TM9SF3: variants seen among roughly 807,000 people sequenced by gnomAD.
TM9SF3 encodes the protein transmembrane 9 superfamily member 3.
TM9SF3 carries 14 observed loss-of-function variants against 78.6 expected under a neutral mutation model. The observed-to-expected ratio is 0.18, with a 90% CI of 0.12 to 0.28. The LOEUF (loss-of-function observed/expected upper bound fraction) is 0.28, where lower values mean the gene tolerates loss of function less well. TM9SF3 is among the 10% of genes least tolerant of loss of function. The pLI, the probability that TM9SF3 is intolerant of heterozygous loss-of-function variation, is 1.00. For missense variants in TM9SF3, 496 were observed against 721.9 expected (o/e 0.69, Z 3.59); for synonymous variants, 231 against 241.7 (o/e 0.96, Z 0.41).
At position 96,528,095 on chromosome 10, in the gene TM9SF3, T is replaced by C. The variant is rs1456319534; in HGVS notation, c.1477A>G (p.Ile493Val). 1 of 1,613,036 alleles carries C rather than the reference T, an allele frequency of 6.2e-7. No homozygotes were observed. The highest frequency in any genetic ancestry group is 2.2e-5 in the East Asian group (1 of 44,844). The change falls in exon 12 of 15, where the codon ATT becomes GTT. Residue 493 changes from isoleucine to valine, a missense_variant. This residue lies in a region of TM9SF3 where 280 missense variants were observed against 422.6 expected (regional missense o/e 0.66). Transcript: ENST00000371142. ...FMMLVLVILC[I>V]VTVCVTIVCT... The stretch of plus-strand genomic sequence containing the variant: ...ACAATAGTCACACAGACAGTCACAA[T>C]GCACAGGATAACCAGCACCAGCATC...
Position 96,586,531 on chromosome 10 carries a change from G to C in TM9SF3, c.102+203C>G, listed in dbSNP as rs568168159. On this transcript the variant is annotated intron_variant, in intron 1 of 14. Coordinates refer to ENST00000371142, the MANE Select transcript of TM9SF3 (RefSeq NM_020123.4). ...GGGGGAAGGAGACCCTGTCACTCGG[G>C]AGCGGAGCCCTGTCCCGGGAGCGCA... Among the ~76,000 whole-genome samples, 8 of 152,064 alleles carry C rather than the reference G, an allele frequency of 5.3e-5. No homozygotes were observed. The East Asian group carries it at 9.7e-4, about 18-fold the overall frequency.
At chr10:96,566,955 A>AC (rs1271963342) in intron 2 of TM9SF3, among the ~76,000 whole-genome samples, 1 of 152,192 alleles carries the variant, frequency 6.6e-6, no homozygotes, top group Non-Finnish European at 1.5e-5. Context: ...CCTCACAGCT[A>AC]CCTCTGCAAA....
chr10:96,539,905 C>T (rs545056381), intron 9 of TM9SF3, among the ~76,000 whole-genome samples: 1 of 152,278 alleles, frequency 6.6e-6, no homozygotes, highest in African/African-American at 2.4e-5. Context: ...GTTTTCTGTT[C>T]TGTAAAATAG....
At chr10:96,526,140 G>T (rs1564927028) in intron 14 of TM9SF3, among the ~76,000 whole-genome samples, 1 of 152,114 alleles carries the variant, frequency 6.6e-6, no homozygotes, top group Non-Finnish European at 1.5e-5. Flanking sequence ...AATGAGTAAA[G>T]TTGAGGAAGA....
intron 2 of TM9SF3, among the ~76,000 whole-genome samples, chr10:96,576,143 C>T (rs1848494310): frequency 6.6e-6 from 1 of 152,210 alleles, no homozygotes; most frequent in Admixed American, 6.5e-5. Context: ...CATCCCATTA[C>T]AGCCTCAGAC....
chr10:96,586,727 G>C lies in TM9SF3; in HGVS notation c.102+7C>G. On this transcript the variant is annotated splice_region_variant and intron_variant, in intron 1 of 14. Transcript: ENST00000371142. ...CCGGGGCGGCCGCGCCGGCCGGGGC[G>C]CCTCACCGTGTGTTCGTGCTCGTCC... 3.3e-6 allele frequency: 4 copies of C among 1,227,586 alleles called. No homozygotes were observed. The highest frequency in any genetic ancestry group is 4.1e-6 in the Non-Finnish European group (4 of 985,294). The allele number at this position is 1,227,586 out of a possible 1,614,324, so 76.0% of individuals were successfully genotyped here.
chr10:96,538,659 A>G (rs1847986858), intron 9 of TM9SF3, among the ~76,000 whole-genome samples: 1 of 152,234 alleles, frequency 6.6e-6, no homozygotes, highest in Non-Finnish European at 1.5e-5. Context: ...TGTATTTACA[A>G]TATATAAGAA....
intron 5 of TM9SF3, 86 bp downstream of exon 5, chr10:96,559,573 C>A: frequency 1.1e-6 from 1 of 941,972 alleles, no homozygotes. Context: ...GTCCTCAACA[C>A]AGTGCCCTGC....
rs751623216 is a variant in TM9SF3 at position 96,533,127 on chromosome 10, C to T, written c.1249G>A (p.Gly417Ser). Residue 417 changes from glycine to serine, a missense_variant, in exon 10 of 15, where the codon GGC becomes AGC. Gly to Ser is a moderately conservative substitution (Grantham distance 56). Around this residue, in one of 4 missense-constraint regions of TM9SF3, gnomAD observed 280 missense variants for 422.6 expected, o/e 0.66. Coordinates refer to ENST00000371142, the MANE Select transcript of TM9SF3 (RefSeq NM_020123.4). ...TTGGGCTGACCTGACAGATTTCGGC[C>T]AAGTATTGTACCAACAAGATTTAGA... ...LPLNLVGTILGRNLSGQPNFP... is the reference protein window; with the variant it reads ...LPLNLVGTILSRNLSGQPNFP... 1 of 1,613,874 alleles carries T rather than the reference C, an allele frequency of 6.2e-7. No individual in the cohort carries two copies. The highest frequency in any genetic ancestry group is 8.5e-7 in the Non-Finnish European group (1 of 1,179,974).
In TM9SF3 at chr10:96,530,593, C is replaced by A; in HGVS notation, c.1341G>T (p.Ala447=). ...IPEKKWFMEP[A]VIVCLGGILP... is the part of the protein sequence containing the mutation. ...AAATTCCACCCAGGCAAACAATAAC[C>A]GCAGGCTCCATGAACCTGGAAAATA... The change falls in exon 11 of 15, where the codon GCG becomes GCT. Residue 447 remains alanine, a synonymous_variant. Coordinates refer to ENST00000371142, the MANE Select transcript of TM9SF3 (RefSeq NM_020123.4). The A allele has an allele frequency of 1.9e-6, 3 of 1,612,028 alleles. No individual in the cohort carries two copies. Among genetic ancestry groups the A allele is most frequent in the South Asian group, 2.2e-5 (2 of 90,720 alleles).
intron 2 of TM9SF3, among the ~76,000 whole-genome samples, chr10:96,572,266 G>A (rs751282277): frequency 6.6e-6 from 1 of 151,732 alleles, no homozygotes; most frequent in African/African-American, 2.4e-5. Flanking sequence ...CTGACACTTC[G>A]ATCAAATAAA....
At chr10:96,546,302 AT>A (rs1384916627) in intron 8 of TM9SF3, among the ~76,000 whole-genome samples, 12 of 152,172 alleles carry the variant, frequency 7.9e-5, no homozygotes, top group Admixed American at 7.9e-4. Flanking sequence ...TTTACATTAC[AT>A]TTTGTAAGAC....
At chr10:96,531,782 T>G (rs993653464) in intron 10 of TM9SF3, among the ~76,000 whole-genome samples, 3 of 152,108 alleles carry the variant, frequency 2.0e-5, no homozygotes, top group African/African-American at 7.2e-5. Context: ...TCACCAGACC[T>G]CTCCTTCACT....
rs1171710518 is a variant in TM9SF3 at position 96,547,892 on chromosome 10, T to C, written c.1054+3A>G. 1.9e-6 allele frequency: 3 copies of C among 1,601,756 alleles called. No homozygotes were observed. The highest frequency in any genetic ancestry group is 2.6e-6 in the Non-Finnish European group (3 of 1,174,652). ...CAACATGAAGTGAGAATTCGTAAGT[T>C]ACCTCCTTGTCTAGCATACAGACTT... On this transcript the variant is annotated splice_donor_region_variant and intron_variant, in intron 8 of 14. Coordinates refer to ENST00000371142, the MANE Select transcript of TM9SF3 (RefSeq NM_020123.4).
At chr10:96,571,896 T>A (rs1554948440) in intron 2 of TM9SF3, among the ~76,000 whole-genome samples, 1 of 152,168 alleles carries the variant, frequency 6.6e-6, no homozygotes, top group Non-Finnish European at 1.5e-5. Flanking sequence ...TGGGTGGTGA[T>A]CTCTTCTGGT....
chr10:96,560,003 T>C (rs1231438388), intron 4 of TM9SF3, among the ~76,000 whole-genome samples: 1 of 152,244 alleles, frequency 6.6e-6, no homozygotes, highest in Non-Finnish European at 1.5e-5. Flanking sequence ...TTACATATTA[T>C]GACCTGATAA....
At position 96,521,996 on chromosome 10, in the gene TM9SF3, T is replaced by A. The variant is rs573941942; in HGVS notation, c.*267A>T. On this transcript the variant is annotated 3_prime_UTR_variant, in exon 15 of 15. Coordinates refer to ENST00000371142, the MANE Select transcript of TM9SF3 (RefSeq NM_020123.4). ...CTGGTCTATTTCATCTTTAATGAGC[T>A]AGTTTTTGGGAAGATTAGCCATGTA... The A allele has an allele frequency of 2.5e-6, 1 of 399,052 alleles. No homozygotes were observed. Among genetic ancestry groups the A allele is most frequent in the South Asian group, 3.3e-5 (1 of 29,932 alleles). The allele number at this position is 399,052 out of a possible 1,614,324, so 24.7% of individuals were successfully genotyped here.
intron 14 of TM9SF3, among the ~76,000 whole-genome samples, chr10:96,525,477 T>C (rs1000964177): frequency 2.0e-5 from 3 of 152,004 alleles, no homozygotes; most frequent in Admixed American, 6.6e-5. Flanking sequence ...ACATACATAG[T>C]GTATATGAAC....
chr10:96,556,731 C>T (rs1848238284), intron 5 of TM9SF3, among the ~76,000 whole-genome samples: 2 of 152,098 alleles, frequency 1.3e-5, no homozygotes, highest in African/African-American at 4.8e-5. Context: ...CTCCCTTTAG[C>T]AGCCAAGCTC....
Sources: gnomAD v4.1 joint callset for allele counts (sites outside exome capture counted in the v4.1 genomes callset) on GRCh38, gnomAD v4.1.1 for gene constraint, gnomAD v4.1.1 regional missense constraint, MANE v1.5 for transcripts, NCBI Gene and HGNC (gene_info 2026-07-23, HGNC 2026-07-21) for gene names.